Variants in RUNX1 observed in about 807,000 individuals in gnomAD.
RUNX1 encodes the protein RUNX family transcription factor 1.
In RUNX1, 19 loss-of-function variants were observed where a neutral mutation model predicts 42.8. The observed-to-expected ratio is 0.44, with a 90% confidence interval of 0.31 to 0.65. RUNX1 has a LOEUF of 0.65. Among genes scored for constraint, RUNX1 ranks in the 30% least tolerant of loss-of-function variants. The probability of loss-of-function intolerance (pLI) is 0.07; values close to 1 mark genes in which losing one functional copy is unlikely to be tolerated. For missense variants in RUNX1, 528 were observed against 672.0 expected (o/e 0.79, Z 2.37); for synonymous variants, 271 against 289.4 (o/e 0.94, Z 0.64).
intron 7 of RUNX1, among the ~76,000 whole-genome samples, chr21:34,809,658 A>G (rs2056731546): frequency 6.6e-6 from 1 of 152,172 alleles, no homozygotes; most frequent in Admixed American, 6.5e-5. Context: ...CGTGCTTTAC[A>G]GCCAATCTCC....
chr21:34,904,740 G>A (rs529834492), intron 2 of RUNX1, among the ~76,000 whole-genome samples: 1 of 152,276 alleles, frequency 6.6e-6, no homozygotes, highest in East Asian at 1.9e-4. Flanking sequence ...AGGGGGGCCT[G>A]CAGCAAATAT....
intron 5 of RUNX1, among the ~76,000 whole-genome samples, chr21:34,862,111 T>C (rs1316518661): frequency 6.6e-6 from 1 of 150,624 alleles, no homozygotes; most frequent in East Asian, 2.0e-4. Context: ...TGCATGTGGG[T>C]GTATGAGAGA....
At chr21:34,856,024 C>A (rs1187171886) in intron 6 of RUNX1, among the ~76,000 whole-genome samples, 1 of 152,172 alleles carries the variant, frequency 6.6e-6, no homozygotes, top group African/African-American at 2.4e-5. Flanking sequence ...TTCTAAGGGG[C>A]AGGTCCATTA....
intron 2 of RUNX1, among the ~76,000 whole-genome samples, chr21:34,917,246 C>T (rs2058318437): frequency 1.3e-5 from 2 of 152,114 alleles, no homozygotes; most frequent in African/African-American, 4.8e-5. Flanking sequence ...AGATAGGGCA[C>T]ATGTCTTTGT....
At chr21:34,856,898 G>T (rs1212537065) in intron 6 of RUNX1, among the ~76,000 whole-genome samples, 1 of 152,104 alleles carries the variant, frequency 6.6e-6, no homozygotes. Flanking sequence ...TGTTACACTG[G>T]AAAGCAACTG....
Position 34,788,024 on chromosome 21 carries a change from T to G in RUNX1, c.*4111A>C, listed in dbSNP as rs570118033. The G allele has an allele frequency of 1.0e-4, 24 of 233,334 alleles. 1 individual carries two copies. The South Asian group carries it at 4.0e-3, about 39-fold the overall frequency. 14.5% of individuals were successfully genotyped at this position (233,334 alleles called of 1,614,324 possible). On this transcript the variant is annotated 3_prime_UTR_variant, in exon 9 of 9. Coordinates refer to ENST00000675419, the MANE Select transcript of RUNX1 (RefSeq NM_001754.5). ...ACTGTGGACAGTGCAGTGCCTGCTC[T>G]CCTGTGCTATCTAGAAACACCTTGG... is the stretch of plus-strand genomic sequence containing the variant.
At chr21:34,849,916 T>TATA (rs1452892244) in intron 6 of RUNX1, among the ~76,000 whole-genome samples, 5 of 150,914 alleles carry the variant, frequency 3.3e-5, no homozygotes, top group African/African-American at 4.9e-5. Flanking sequence ...AAACTGGAAT[T>TATA]ATTATTATTA....
chr21:35,014,308 C>T (rs2059144750), intron 2 of RUNX1, among the ~76,000 whole-genome samples: 1 of 152,146 alleles, frequency 6.6e-6, no homozygotes, highest in Admixed American at 6.5e-5. Context: ...ATATTTCAAT[C>T]TCCTGCAGCA....
At chr21:35,003,206 C>T (rs765524354) in intron 2 of RUNX1, among the ~76,000 whole-genome samples, 5 of 152,092 alleles carry the variant, frequency 3.3e-5, no homozygotes, top group Non-Finnish European at 5.9e-5. Context: ...TATCTTAATC[C>T]ATCTTAATCT....
chr21:34,813,666 C>T (rs1303298811), intron 7 of RUNX1, among the ~76,000 whole-genome samples: 1 of 152,112 alleles, frequency 6.6e-6, no homozygotes, highest in Non-Finnish European at 1.5e-5. Context: ...AGCTGACCGT[C>T]GGCTTTGCCA....
At chr21:34,979,829 C>G (rs572207590) in intron 2 of RUNX1, among the ~76,000 whole-genome samples, 1 of 152,198 alleles carries the variant, frequency 6.6e-6, no homozygotes, top group African/African-American at 2.4e-5. Context: ...TTTTTCTCCC[C>G]TTGGTCCCAA....
chr21:34,796,683 G>T (rs1228542695), intron 8 of RUNX1, among the ~76,000 whole-genome samples: 1 of 152,160 alleles, frequency 6.6e-6, no homozygotes, highest in African/African-American at 2.4e-5. Flanking sequence ...CCCTCCTACT[G>T]CCCCCAGAGG....
At chr21:34,951,067 A>T (rs2058603373) in intron 2 of RUNX1, among the ~76,000 whole-genome samples, 1 of 152,246 alleles carries the variant, frequency 6.6e-6, no homozygotes, top group Admixed American at 6.5e-5. Context: ...AAGTCAAGTG[A>T]CAAGGTATGC....
chr21:34,852,846 G>A (rs1320326102), intron 6 of RUNX1, among the ~76,000 whole-genome samples: 1 of 152,172 alleles, frequency 6.6e-6, no homozygotes, highest in Non-Finnish European at 1.5e-5. Flanking sequence ...TCACTACCTG[G>A]AAAATACGCT....
chr21:34,974,398 GAA>G (rs112091332), intron 2 of RUNX1, among the ~76,000 whole-genome samples: 54 of 139,222 alleles, frequency 3.9e-4, no homozygotes, highest in African/African-American at 1.3e-3. Flanking sequence ...CCGAAACCGT[GAA>G]AAAAAAAAAA....
At chr21:34,956,524 AAC>A (rs1404120629) in intron 2 of RUNX1, among the ~76,000 whole-genome samples, 2 of 152,164 alleles carry the variant, frequency 1.3e-5, no homozygotes, top group African/African-American at 2.4e-5. Flanking sequence ...TGAAATAAAA[AAC>A]ACAGTGACTG....
intron 2 of RUNX1, among the ~76,000 whole-genome samples, chr21:34,918,918 A>G (rs2058333180): frequency 6.6e-6 from 1 of 152,210 alleles, no homozygotes; most frequent in Non-Finnish European, 1.5e-5. Flanking sequence ...AAAATAAAAT[A>G]CAATAAAAGG....
chr21:35,005,510 C>G (rs905659155), intron 2 of RUNX1, among the ~76,000 whole-genome samples: 6 of 152,078 alleles, frequency 3.9e-5, no homozygotes, highest in Non-Finnish European at 8.8e-5. Flanking sequence ...TATTTTTAAG[C>G]CTAGGAACTA....
Position 34,870,425 on chromosome 21 carries a change from T to C in RUNX1, c.508+10132A>G, listed in dbSNP as rs115433284. Among the ~76,000 whole-genome samples, 1,135 of 152,362 alleles carry C rather than the reference T, an allele frequency of 7.4e-3. 7 individuals are homozygous for C. The highest frequency in any genetic ancestry group is 0.026 in the African/African-American group (1,070 of 41,578). On this transcript the variant is annotated intron_variant, in intron 5 of 8. Transcript: ENST00000675419. ...GCCAGTGGTTCTCAACCAGGGGCGATTTGCCCCCAGGGGACATGACGCAAT... is the reference window on the plus strand; with the variant it reads ...GCCAGTGGTTCTCAACCAGGGGCGACTTGCCCCCAGGGGACATGACGCAAT...
Sources: gnomAD v4.1 joint callset for allele counts (sites outside exome capture counted in the v4.1 genomes callset) on GRCh38, gnomAD v4.1.1 for gene constraint, MANE v1.5 for transcripts, NCBI Gene and HGNC (gene_info 2026-07-23, HGNC 2026-07-21) for gene names.